Variants in DMD observed in about 807,000 individuals in gnomAD.
The protein encoded by DMD is dystrophin.
In DMD, 63 loss-of-function variants were observed where a neutral mutation model predicts 330.1. The observed-to-expected ratio is 0.19, with a 90% confidence interval of 0.16 to 0.24. The LOEUF (loss-of-function observed/expected upper bound fraction) is 0.24, where lower values mean the gene tolerates loss of function less well. Ranked by LOEUF, DMD falls within the 10% of genes least tolerant of loss-of-function variation. The pLI is 1.00. For synonymous variants in DMD, 1,223 were observed against 959.8 expected, an observed-to-expected ratio of 1.27 and a Z score of -5.07; for missense variants, 3,344 against 2,684.1, an observed-to-expected ratio of 1.25 and a Z score of -5.43.
At chrX:32,807,357 G>A (rs184043017) in intron 7 of DMD, among the ~76,000 whole-genome samples, 38 of 110,824 alleles carry the variant, frequency 3.4e-4, no homozygotes, top group Admixed American at 2.1e-3. Flanking sequence ...CTGTTTAAGC[G>A]ATAAGATGCT....
At chrX:31,202,907 G>A (rs1602657579) in intron 67 of DMD, among the ~76,000 whole-genome samples, 1 of 112,440 alleles carries the variant, frequency 8.9e-6, no homozygotes, top group Non-Finnish European at 1.9e-5. Flanking sequence ...GCAATCACAC[G>A]CCTGAGAATT....
chrX:31,872,536 C>T (rs2093908630), intron 48 of DMD, among the ~76,000 whole-genome samples: 1 of 111,398 alleles, frequency 9.0e-6, no homozygotes, highest in South Asian at 3.8e-4. Context: ...AAAATCTTTT[C>T]TTAAATGTGT....
chrX:32,163,340 G>T (rs2096856884), intron 44 of DMD, among the ~76,000 whole-genome samples: 1 of 112,034 alleles, frequency 8.9e-6, no homozygotes, highest in Non-Finnish European at 1.9e-5. Flanking sequence ...TGCTTCAATA[G>T]GTACTCTTAC....
intron 43 of DMD, among the ~76,000 whole-genome samples, chrX:32,247,469 A>AT (rs2097244835): frequency 8.9e-6 from 1 of 111,950 alleles, no homozygotes; most frequent in Non-Finnish European, 1.9e-5. Flanking sequence ...AGTGACAATT[A>AT]TTTTTTAATT....
At chrX:32,025,593 T>C (rs902500058) in intron 44 of DMD, among the ~76,000 whole-genome samples, 3 of 112,411 alleles carry the variant, frequency 2.7e-5, no homozygotes, top group African/African-American at 9.7e-5. Flanking sequence ...CCATAAGCAA[T>C]AGCAAAATAC....
Position 31,121,438 on chromosome X carries a change from G to GTGTGTA in DMD, c.*480_*481insTACACA, listed in dbSNP as rs1555971974. On this transcript the variant is annotated 3_prime_UTR_variant, in exon 79 of 79. Transcript: ENST00000357033. ...CTGCCTCAAAGTTTTGTGTGTGTGT[G>GTGTGTA]TGTATGTGTGTGTGTGTGTGTTTGT... 1.2e-4 allele frequency: 15 copies of GTGTGTA among 128,759 alleles called. No homozygotes were observed. Among genetic ancestry groups the GTGTGTA allele is most frequent in the East Asian group, 2.1e-4 (1 of 4,709 alleles). 10.6% of individuals were successfully genotyped at this position (128,759 alleles called of 1,213,427 possible).
chrX:32,576,792 C>T (rs907706900), intron 13 of DMD, among the ~76,000 whole-genome samples: 3 of 109,882 alleles, frequency 2.7e-5, no homozygotes, highest in African/African-American at 9.9e-5. Flanking sequence ...CATAGGCAAC[C>T]TATTTAACAT....
chrX:31,284,557 T>TTTCTTCTTCTTCTTTC (rs2052896374), intron 62 of DMD, among the ~76,000 whole-genome samples: 1 of 78,066 alleles, frequency 1.3e-5, no homozygotes, highest in African/African-American at 5.2e-5. Flanking sequence ...TAACGAACTG[T>TTTCTTCTTCTTCTTTC]TTCTTCTTCT....
chrX:33,128,274 G>C, intron 1 of DMD: 1 of 1,111,779 alleles, frequency 9.0e-7, no homozygotes, highest in Non-Finnish European at 1.2e-6. Context: ...AAACCTGGAG[G>C]TAGAGTCATA....
In DMD at chrX:31,813,165, G is replaced by A. The variant is rs143044064; in HGVS notation, c.7309+6810C>T. 5.6e-3 allele frequency among the ~76,000 whole-genome samples: 633 copies of A among 112,154 alleles called. 4 individuals are homozygous for A. The highest frequency in any genetic ancestry group is 0.017 in the African/African-American group (529 of 30,936). On this transcript the variant is annotated intron_variant, in intron 50 of 78. Transcript: ENST00000357033. Reference sequence around the variant, plus strand: ...AAATGGGAAGAAAGCCTACACATCGGAAGGAAGCCTATACGAGGCATGCTA... The same window carrying A: ...AAATGGGAAGAAAGCCTACACATCGAAAGGAAGCCTATACGAGGCATGCTA...
intron 1 of DMD, among the ~76,000 whole-genome samples, chrX:33,336,770 C>A (rs770213520): frequency 9.0e-5 from 10 of 111,175 alleles, no homozygotes; most frequent in Non-Finnish European, 1.9e-4. Flanking sequence ...ATCGTTTTTT[C>A]TTCCTTAAAG....
At chrX:31,366,296 C>A (rs1184449013) in intron 60 of DMD, among the ~76,000 whole-genome samples, 1 of 108,222 alleles carries the variant, frequency 9.2e-6, no homozygotes, top group Non-Finnish European at 1.9e-5. Flanking sequence ...ATAACACAAA[C>A]TATGCGGGCA....
chrX:32,574,560 TTTC>T (rs2052803443), intron 13 of DMD, among the ~76,000 whole-genome samples: 1 of 111,828 alleles, frequency 8.9e-6, no homozygotes, highest in African/African-American at 3.3e-5. Context: ...AAAGGAAGCA[TTTC>T]AAAATGGCAG....
intron 17 of DMD, among the ~76,000 whole-genome samples, chrX:32,532,241 A>G (rs781741853): frequency 4.5e-5 from 5 of 112,152 alleles, no homozygotes; most frequent in Non-Finnish European, 9.4e-5. Context: ...CTCTGTATTT[A>G]AAGATAATCA....
intron 1 of DMD, among the ~76,000 whole-genome samples, chrX:33,061,961 T>A (rs1198556786): frequency 8.9e-6 from 1 of 112,140 alleles, no homozygotes; most frequent in Non-Finnish European, 1.9e-5. Context: ...TAGTTAATAC[T>A]GATATGTAAC....
At chrX:32,722,252 GT>G (rs1424105078) in intron 7 of DMD, among the ~76,000 whole-genome samples, 2 of 110,111 alleles carry the variant, frequency 1.8e-5, no homozygotes, top group Non-Finnish European at 3.8e-5. Context: ...GGATGCAACT[GT>G]AGACCAGAAA....
At chrX:31,418,480 T>A (rs999478201) in intron 60 of DMD, among the ~76,000 whole-genome samples, 7 of 111,792 alleles carry the variant, frequency 6.3e-5, no homozygotes, top group African/African-American at 2.3e-4. Flanking sequence ...CAGTTAGATT[T>A]AAGTGTAATA....
intron 34 of DMD, among the ~76,000 whole-genome samples, chrX:32,369,256 GCTACT>G (rs1187050461): frequency 1.8e-5 from 2 of 111,552 alleles, no homozygotes; most frequent in Non-Finnish European, 3.8e-5. Context: ...ATTTGTAAAT[GCTACT>G]CTAATTTCCT....
intron 9 of DMD, among the ~76,000 whole-genome samples, chrX:32,669,524 T>C (rs1305863180): frequency 8.9e-6 from 1 of 111,855 alleles, no homozygotes; most frequent in African/African-American, 3.2e-5. Flanking sequence ...AATTTGATTG[T>C]ACTTTTTTTC....
Sources: allele counts gnomAD v4.1 joint callset (sites outside exome capture counted in the v4.1 genomes callset), GRCh38; gene constraint gnomAD v4.1.1; transcripts MANE v1.5; gene names NCBI Gene and HGNC (gene_info 2026-07-23, HGNC 2026-07-21).